ZSWIM7: variants seen among roughly 807,000 people sequenced by gnomAD.
ZSWIM7 encodes zinc finger SWIM-type containing 7.
Under a neutral mutation model 21.1 loss-of-function variants are expected in ZSWIM7, and 22 were observed. That is an observed-to-expected ratio of 1.04 (90% CI 0.74 to 1.49). The LOEUF is 1.49. Ranked by LOEUF, ZSWIM7 falls within the 40% of genes most tolerant of loss-of-function variation. The pLI, the probability that ZSWIM7 is intolerant of heterozygous loss-of-function variation, is 0.00. For synonymous variants in ZSWIM7, 67 were observed against 66.5 expected (o/e 1.01, Z -0.04); for missense variants, 193 against 168.0 (o/e 1.15, Z -0.82).
chr17:15,983,107 G>A (rs1415778395), intron 3 of ZSWIM7, among the ~76,000 whole-genome samples: 2 of 152,038 alleles, frequency 1.3e-5, no homozygotes, highest in Non-Finnish European at 2.9e-5. Context: ...AGCACTTTGG[G>A]AGGCTGAGGC....
chr17:15,984,300 G>C (rs778827838), intron 3 of ZSWIM7, among the ~76,000 whole-genome samples: 1 of 152,210 alleles, frequency 6.6e-6, no homozygotes. Context: ...ACTGGAAATT[G>C]ACCTTAAGGA....
chr17:15,999,436 C>G, intron 1 of ZSWIM7, 83 bp downstream of exon 1: 1 of 1,535,516 alleles, frequency 6.5e-7, no homozygotes, highest in Non-Finnish European at 8.8e-7. Context: ...CCCGGACACC[C>G]CGCCTCCTGC....
chr17:15,978,192 G>T (rs1031651497), intron 4 of ZSWIM7, 29 bp from the exon 5 acceptor site: 1 of 1,564,096 alleles, frequency 6.4e-7, no homozygotes, highest in Non-Finnish European at 8.8e-7. Flanking sequence ...ACACCTATTA[G>T]AAACAGGCAG....
At chr17:15,997,634 A>G (rs542436853) in intron 1 of ZSWIM7, among the ~76,000 whole-genome samples, 257 of 152,350 alleles carry the variant, frequency 1.7e-3, no homozygotes, top group African/African-American at 5.8e-3. Flanking sequence ...GGAAGGGTGC[A>G]TAACTATATA....
intron 1 of ZSWIM7, among the ~76,000 whole-genome samples, chr17:15,994,152 C>A (rs1341205560): frequency 6.6e-6 from 1 of 152,174 alleles, no homozygotes; most frequent in Non-Finnish European, 1.5e-5. Context: ...GGGGTTTCAC[C>A]ATGCTGGCCA....
At chr17:15,991,037 G>A (rs1433705714) in intron 2 of ZSWIM7, 2 of 152,148 alleles carry the variant, frequency 1.3e-5, no homozygotes, top group African/African-American at 4.8e-5. Context: ...GAACCTGGGA[G>A]GCAGAGGCTG....
intron 1 of ZSWIM7, among the ~76,000 whole-genome samples, chr17:15,994,108 C>A (rs905029437): frequency 1.3e-5 from 2 of 152,132 alleles, no homozygotes; most frequent in Admixed American, 6.5e-5. Context: ...ACTACCATGC[C>A]CAGCTAATTT....
intron 2 of ZSWIM7, chr17:15,990,744 GAA>G (rs1230700398): frequency 2.6e-5 from 4 of 152,170 alleles, no homozygotes; most frequent in African/African-American, 9.7e-5. Context: ...GGGGGAAATA[GAA>G]AAGAGTGCTT....
At chr17:15,985,704 CT>C (rs1240592970) in intron 3 of ZSWIM7, among the ~76,000 whole-genome samples, 1 of 152,170 alleles carries the variant, frequency 6.6e-6, no homozygotes, top group Non-Finnish European at 1.5e-5. Context: ...ACTTAAGTTA[CT>C]GTTGACCAAT....
Position 15,977,861 on chromosome 17 carries a change from A to C in ZSWIM7, c.*186T>G. The C allele has an allele frequency of 1.8e-6, 1 of 559,418 alleles. No homozygotes were observed. Among genetic ancestry groups the C allele is most frequent in the Admixed American group, 3.0e-5 (1 of 33,464 alleles). The allele number at this position is 559,418 out of a possible 1,614,324, so 34.7% of individuals were successfully genotyped here. On this transcript the variant is annotated 3_prime_UTR_variant, in exon 5 of 5. Transcript: ENST00000399277. Reference sequence around the variant, plus strand: ...ACAAGACTGTACAGGGCTTCTCATCATACACAAACCCTCCACAGCCCACGG... The same window carrying C: ...ACAAGACTGTACAGGGCTTCTCATCCTACACAAACCCTCCACAGCCCACGG...
intron 4 of ZSWIM7, 151 bp downstream of exon 4, chr17:15,980,889 T>G: frequency 1.9e-6 from 1 of 518,804 alleles, no homozygotes; most frequent in Admixed American, 3.2e-5. Context: ...GCTAAACCCC[T>G]AAGAGGTGAC....
intron 3 of ZSWIM7, 88 bp from the exon 4 acceptor site, chr17:15,981,232 C>A: frequency 1.1e-6 from 1 of 922,646 alleles, no homozygotes; most frequent in South Asian, 1.6e-5. Flanking sequence ...CTCAGAGTTG[C>A]TCTGCAAATT....
chr17:15,981,136 TC>T lies in ZSWIM7; in HGVS notation c.209del (p.Gly70GlufsTer42). On this transcript the variant is annotated frameshift_variant, in exon 4 of 5. Transcript: ENST00000399277. LOFTEE classifies it high-confidence loss of function. ...AACATGTGTATGTTTTACTGGAACTTCCAAGGACCTACAAAGAAAGGATAGA... is the reference window on the plus strand; with the variant it reads ...AACATGTGTATGTTTTACTGGAACTTCAAGGACCTACAAAGAAAGGATAGA... ...PSGRRVYQVL[G>X]SSSKTYTCLA... 6.2e-7 allele frequency: 1 copy of T among 1,613,224 alleles called. No homozygotes were observed. The highest frequency in any genetic ancestry group is 1.1e-5 in the South Asian group (1 of 91,010).
intron 3 of ZSWIM7, among the ~76,000 whole-genome samples, chr17:15,984,538 C>T (rs1031896847): frequency 1.3e-5 from 2 of 152,154 alleles, no homozygotes; most frequent in African/African-American, 2.4e-5. Context: ...TCAGTTAGGT[C>T]GCAAGGAGAG....
intron 1 of ZSWIM7, among the ~76,000 whole-genome samples, chr17:15,995,735 C>T (rs1970545648): frequency 1.3e-5 from 2 of 152,050 alleles, no homozygotes; most frequent in Admixed American, 1.3e-4. Flanking sequence ...AACTTAATTA[C>T]AGAAATACCG....
chr17:15,993,673 T>A (rs1045316222), intron 2 of ZSWIM7, 84 bp downstream of exon 2: 6 of 1,132,486 alleles, frequency 5.3e-6, no homozygotes, highest in African/African-American at 1.6e-5. Flanking sequence ...GTCAAGAGTA[T>A]TTTTAAAAAT....
At chr17:15,996,206 G>A (rs977068205) in intron 1 of ZSWIM7, among the ~76,000 whole-genome samples, 4 of 152,144 alleles carry the variant, frequency 2.6e-5, no homozygotes, top group African/African-American at 4.8e-5. Context: ...GAGAGACTGA[G>A]GCAGGAGAAT....
At chr17:15,978,396 G>A (rs908843421) in intron 4 of ZSWIM7, among the ~76,000 whole-genome samples, 1 of 152,174 alleles carries the variant, frequency 6.6e-6, no homozygotes, top group East Asian at 1.9e-4. Context: ...TCAGGAGTTC[G>A]AGACCAGTCT....
At chr17:15,983,656 G>A (rs1280967771) in intron 3 of ZSWIM7, among the ~76,000 whole-genome samples, 1 of 152,028 alleles carries the variant, frequency 6.6e-6, no homozygotes, top group African/African-American at 2.4e-5. Flanking sequence ...ATGCAATCTT[G>A]GCTCACTGCA....
Sources: gnomAD v4.1 joint callset for allele counts (sites outside exome capture counted in the v4.1 genomes callset) on GRCh38, gnomAD v4.1.1 for gene constraint, MANE v1.5 for transcripts, NCBI Gene and HGNC (gene_info 2026-07-23, HGNC 2026-07-21) for gene names.